The following VPS13D variants were observed in gnomAD, a reference collection of about 807,000 sequenced individuals.
VPS13D encodes the protein intermembrane lipid transfer protein VPS13D.
A neutral mutation model predicts 461.9 loss-of-function variants in VPS13D; 187 were observed. The ratio of observed to expected loss-of-function variants is 0.40; its 90% CI spans 0.36 to 0.46. VPS13D has a LOEUF of 0.46. Among genes scored for constraint, VPS13D ranks in the 20% least tolerant of loss-of-function variants. The pLI, the probability that VPS13D is intolerant of heterozygous loss-of-function variation, is 0.60. For synonymous variants in VPS13D, 1,951 were observed against 1,986.3 expected, an observed-to-expected ratio of 0.98 and a Z score of 0.47; for missense variants, 4,711 against 5,364.9, an observed-to-expected ratio of 0.88 and a Z score of 3.81.
rs185506076 is a variant in VPS13D at position 12,266,958 on chromosome 1, C to G, written c.1672C>G (p.Arg558Gly). 8.3e-5 allele frequency: 134 copies of G among 1,610,766 alleles called. No homozygotes were observed. The highest frequency in any genetic ancestry group is 1.1e-4 in the Non-Finnish European group (132 of 1,179,108). The change falls in exon 14 of 70, where the codon CGA becomes GGA. Residue 558 changes from arginine (R) to glycine (G), a missense_variant. Arg to Gly is a moderately radical substitution (Grantham distance 125, BLOSUM62 -2). Around this residue, in one of 3 missense-constraint regions of VPS13D, gnomAD observed 4,411 missense variants for 4,937.8 expected, o/e 0.89. Transcript: ENST00000620676. Reference protein sequence around the residue: ...LSVRLGGLFLRDLATEGTMFP... With the variant: ...LSVRLGGLFLGDLATEGTMFP... ...AGTCCGGTTGGGTGGACTGTTTCTT[C>G]GAGACCTGGCTACAGAAGGAACTAT...
At chr1:12,280,200 A>G (rs1051628422) in intron 20 of VPS13D, among the ~76,000 whole-genome samples, 2 of 152,148 alleles carry the variant, frequency 1.3e-5, no homozygotes, top group Non-Finnish European at 2.9e-5. Context: ...AGAGTAGTAC[A>G]TTATAAAACA....
At chr1:12,251,647 T>A (rs1031871901) in intron 6 of VPS13D, among the ~76,000 whole-genome samples, 3 of 152,074 alleles carry the variant, frequency 2.0e-5, no homozygotes, top group African/African-American at 4.8e-5. Flanking sequence ...CTTGAGACAC[T>A]CATAACTTTT....
At chr1:12,429,919 A>G (rs775044288) in intron 65 of VPS13D, among the ~76,000 whole-genome samples, 28 of 152,236 alleles carry the variant, frequency 1.8e-4, no homozygotes, top group Non-Finnish European at 2.6e-4. Flanking sequence ...AATAATATTT[A>G]TGGGAAATAT....
rs1288974597 is a variant in VPS13D at position 12,385,230 on chromosome 1, ATCT to A, written c.11371-25_11371-23del. The A allele has an allele frequency of 3.8e-6, 6 of 1,569,260 alleles. No individual in the cohort carries two copies. The South Asian group carries it at 4.5e-5, about 12-fold the overall frequency. On this transcript the variant is annotated intron_variant, in intron 58 of 69. Transcript: ENST00000620676. The stretch of plus-strand genomic sequence containing the variant: ...AGGTTTCAATAAGGAAGAGTGAATC[ATCT>A]TCTTGTGGTGTTTTATTTGACTTCA...
intron 67 of VPS13D, among the ~76,000 whole-genome samples, chr1:12,462,732 T>C (rs1645428330): frequency 6.6e-6 from 1 of 152,254 alleles, no homozygotes; most frequent in Admixed American, 6.5e-5. Context: ...TCTTCCCTGC[T>C]GACTCAAGAT....
intron 67 of VPS13D, among the ~76,000 whole-genome samples, chr1:12,477,751 G>A (rs1239688150): frequency 6.6e-6 from 1 of 151,986 alleles, no homozygotes; most frequent in Non-Finnish European, 1.5e-5. Flanking sequence ...TTCACATACA[G>A]CACTCACGTA....
At chr1:12,290,721 T>TAAA (rs753945712) in intron 22 of VPS13D, among the ~76,000 whole-genome samples, 2 of 135,100 alleles carry the variant, frequency 1.5e-5, no homozygotes, top group Non-Finnish European at 1.6e-5. Context: ...AGACTCTGTC[T>TAAA]AAAAAAAAAA....
At position 12,267,934 on chromosome 1, in the gene VPS13D, T is replaced by C; in HGVS notation, c.1801+14T>C. On this transcript the variant is annotated intron_variant, in intron 15 of 69. Coordinates refer to ENST00000620676, the MANE Select transcript of VPS13D (RefSeq NM_015378.4). ...ATCATTACCCAGGTAATTTGTCCTA[T>C]GTTGTTTTTTTAAAATTTTTAAATT... The C allele has an allele frequency of 1.9e-6, 3 of 1,588,846 alleles. No homozygotes were observed. The highest frequency in any genetic ancestry group is 2.6e-6 in the Non-Finnish European group (3 of 1,171,646).
chr1:12,333,421 G>A, intron 38 of VPS13D, 55 bp downstream of exon 38: 1 of 1,597,308 alleles, frequency 6.3e-7, no homozygotes, highest in Non-Finnish European at 8.5e-7. Flanking sequence ...TAAGTTCTGA[G>A]TCTGGAAGAC....
chr1:12,246,098 T>C lies in VPS13D; in HGVS notation c.447+1481T>C, dbSNP rs185819505. Among the ~76,000 whole-genome samples the C allele has an allele frequency of 2.8e-4, 42 of 152,294 alleles. No homozygotes were observed. The East Asian group carries it at 7.9e-3, about 29-fold the overall frequency. ...ACTTGTGTGGAGGTAGCTGGGCCTT[T>C]TAAAGAGAGCTTGAGGGTGCAGGGA... On this transcript the variant is annotated intron_variant, in intron 5 of 69. Transcript: ENST00000620676.
intron 17 of VPS13D, 150 bp from the exon 18 acceptor site, chr1:12,272,853 A>G (rs1232106875): frequency 3.7e-6 from 4 of 1,090,002 alleles, no homozygotes; most frequent in Admixed American, 3.0e-5. Context: ...AAGCATTTAC[A>G]TCTACTTTTG....
intron 61 of VPS13D, among the ~76,000 whole-genome samples, chr1:12,401,078 A>G (rs565917941): frequency 1.3e-5 from 2 of 152,150 alleles, no homozygotes; most frequent in Admixed American, 1.3e-4. Context: ...CTAAGTTACC[A>G]CACTGTTTAC....
intron 24 of VPS13D, among the ~76,000 whole-genome samples, chr1:12,298,215 G>A (rs1182097147): frequency 1.3e-5 from 2 of 152,106 alleles, no homozygotes; most frequent in Non-Finnish European, 2.9e-5. Flanking sequence ...AGACTTTAAC[G>A]ACTTAACCAA....
chr1:12,313,545 G>A lies in VPS13D; in HGVS notation c.6936-570G>A, dbSNP rs76822758. 8.7e-3 allele frequency among the ~76,000 whole-genome samples: 1,327 copies of A among 151,882 alleles called. 17 individuals carry two copies. The highest frequency in any genetic ancestry group is 0.031 in the African/African-American group (1,264 of 41,438). On this transcript the variant is annotated intron_variant, in intron 29 of 69. Coordinates refer to ENST00000620676, the MANE Select transcript of VPS13D (RefSeq NM_015378.4). ...ATAATTCTGTATGTATTGTCATAAT[G>A]GTACCGAGTAATTATGAATTCCTCA...
chr1:12,500,269 A>G, intron 68 of VPS13D: 2 of 964,114 alleles, frequency 2.1e-6, no homozygotes, highest in East Asian at 1.1e-4. Context: ...CAAATTAATC[A>G]TATATTCCTC....
Position 12,508,997 on chromosome 1 carries a change from C to A in VPS13D, c.13140C>A (p.Asn4380Lys), listed in dbSNP as rs1646150741. 1 of 1,614,042 alleles carries A rather than the reference C, an allele frequency of 6.2e-7. No individual in the cohort carries two copies. Among genetic ancestry groups the A allele is most frequent in the African/African-American group, 1.3e-5 (1 of 74,924 alleles). The change falls in exon 70 of 70, where the codon AAC becomes AAA. Residue 4380 changes from asparagine to lysine, a missense_variant. By Grantham distance (94) the Asn-to-Lys change is moderately conservative (BLOSUM62 0). Transcript: ENST00000620676. ...EQQLMLRLSE[N>K]REQLELDS ...AGCTTATGTTAAGACTCAGCGAAAA[C>A]CGAGAGCAGCTGGAGCTGGACTCCT...
chr1:12,307,610 C>T (rs1642604262), intron 26 of VPS13D, among the ~76,000 whole-genome samples: 1 of 152,172 alleles, frequency 6.6e-6, no homozygotes, highest in Non-Finnish European at 1.5e-5. Context: ...TCTCCTGCCT[C>T]AGCCTCCTGA....
At chr1:12,323,141 C>T (rs1643083182) in intron 34 of VPS13D, among the ~76,000 whole-genome samples, 1 of 152,136 alleles carries the variant, frequency 6.6e-6, no homozygotes. Context: ...GTGATCATAG[C>T]TTATTGCAGC....
intron 30 of VPS13D, among the ~76,000 whole-genome samples, chr1:12,317,581 T>TA (rs1302562833): frequency 6.6e-6 from 1 of 151,400 alleles, no homozygotes; most frequent in African/African-American, 2.4e-5. Context: ...GAAATGTGAA[T>TA]AAAAAATGTC....
Sources: gnomAD v4.1 joint callset for allele counts (sites outside exome capture counted in the v4.1 genomes callset) on GRCh38, gnomAD v4.1.1 for gene constraint, gnomAD v4.1.1 regional missense constraint, MANE v1.5 for transcripts, NCBI Gene and HGNC (gene_info 2026-07-23, HGNC 2026-07-21) for gene names.